Variants in PLA2G5 observed in about 807,000 individuals in gnomAD.
The protein encoded by PLA2G5 is Ca2+-dependent phospholipase A2.
In PLA2G5, 12 loss-of-function variants were observed where a neutral mutation model predicts 15.9. That is an observed-to-expected ratio of 0.76 (90% CI 0.48 to 1.23). The LOEUF is 1.23. PLA2G5 is among the 50% of genes most tolerant of loss of function. PLA2G5 has a pLI of 0.00. For synonymous variants in PLA2G5, 71 were observed against 71.4 expected (o/e 0.99, Z 0.03); for missense variants, 169 against 177.1 (o/e 0.95, Z 0.26).
chr1:20,091,714 G>T lies in PLA2G5; in HGVS notation c.*1022G>T, dbSNP rs11573298. Among the ~76,000 whole-genome samples the T allele has an allele frequency of 0.16, 23,891 of 151,750 alleles. 2,398 individuals carry two copies. The highest frequency in any genetic ancestry group is 0.39 in the East Asian group (1,984 of 5,136). ...CCAACCCGTCTATCAATTCATAAAA[G>T]AAAGGATGTTCTGATACCAAGACTG... On this transcript the variant is annotated 3_prime_UTR_variant, in exon 5 of 5. Transcript: ENST00000375108.
upstream of PLA2G5, among the ~76,000 whole-genome samples, chr1:20,065,764 C>T (rs12037743): frequency 0.062 from 9,488 of 152,158 alleles, 491 homozygotes; most frequent in East Asian, 0.25. Context: ...TTTGAGTGAC[C>T]ATAAGTTTTC....
upstream of PLA2G5, among the ~76,000 whole-genome samples, chr1:20,069,189 T>C (rs1569761012): frequency 2.6e-5 from 4 of 152,308 alleles, no homozygotes; most frequent in East Asian, 5.8e-4. Flanking sequence ...GGCACATCCA[T>C]TGAAGAGAGT....
intron 2 of PLA2G5, among the ~76,000 whole-genome samples, chr1:20,085,176 G>T (rs138914797): frequency 1.1e-3 from 161 of 152,206 alleles, no homozygotes; most frequent in African/African-American, 3.7e-3. Context: ...TTTTTTCCCT[G>T]TATGCAAATA....
chr1:20,089,687 G>C, intron 3 of PLA2G5, 102 bp from the exon 4 acceptor site: 1 of 813,220 alleles, frequency 1.2e-6, no homozygotes, highest in South Asian at 1.5e-5. Context: ...GTCCACCAAG[G>C]TGGCCTCTGC....
At chr1:20,044,937 C>T (rs576249159) in intron 1 of PLA2G5, among the ~76,000 whole-genome samples, 14 of 151,824 alleles carry the variant, frequency 9.2e-5, no homozygotes, top group African/African-American at 2.9e-4. Context: ...TGGGATGGGT[C>T]ACATTGGGAA....
intron 1 of PLA2G5, among the ~76,000 whole-genome samples, chr1:20,043,138 G>A (rs2013710588): frequency 6.6e-6 from 1 of 152,094 alleles, no homozygotes; most frequent in African/African-American, 2.4e-5. Flanking sequence ...GGGATGAGGG[G>A]TGTAGGGGAA....
At chr1:20,072,159 C>G (rs2015410357) in intron 1 of PLA2G5, among the ~76,000 whole-genome samples, 1 of 152,046 alleles carries the variant, frequency 6.6e-6, no homozygotes, top group Non-Finnish European at 1.5e-5. Flanking sequence ...CCGTCCCCAT[C>G]CCCAAACACA....
chr1:20,068,990 C>T, upstream of PLA2G5: 4 of 1,236,698 alleles, frequency 3.2e-6, no homozygotes, highest in South Asian at 5.0e-5. Flanking sequence ...GGCACAGATA[C>T]CAACAGACCA....
intron 1 of PLA2G5, among the ~76,000 whole-genome samples, chr1:20,029,733 T>A (rs2012811589): frequency 6.6e-6 from 1 of 152,118 alleles, no homozygotes; most frequent in South Asian, 2.1e-4. Context: ...CAGGGGATGA[T>A]GTGTATAGTT....
rs1009506022 is a variant in PLA2G5 at position 20,029,877 on chromosome 1, AAAGAT to A, written n.276+1173_276+1177del. Among the ~76,000 whole-genome samples the A allele has an allele frequency of 1.5e-4, 23 of 152,364 alleles. 1 individual carries two copies. Among genetic ancestry groups the A allele is most frequent in the Admixed American group, 1.2e-3 (19 of 15,308 alleles). ...GTTCCTGACCAACTTGCCTGCAGGC[AAAGAT>A]AAGAGTTTGTGCTACACAGAAAGAA... On this transcript the variant is annotated intron_variant and non_coding_transcript_variant, in intron 1 of 6. Coordinates refer to the PLA2G5 transcript ENST00000460175.
intron 3 of PLA2G5, 112 bp from the exon 4 acceptor site, chr1:20,089,677 G>A (rs2016467946): frequency 1.3e-6 from 1 of 743,066 alleles, no homozygotes; most frequent in Non-Finnish European, 2.4e-6. Flanking sequence ...GCCACATCGC[G>A]TCCACCAAGG....
chr1:20,034,131 G>A (rs1324675422), intron 1 of PLA2G5, among the ~76,000 whole-genome samples: 3 of 152,136 alleles, frequency 2.0e-5, no homozygotes, highest in Admixed American at 6.5e-5. Flanking sequence ...TGAGTGGTGT[G>A]TTGGATGGAC....
Position 20,090,806 on chromosome 1 carries a change from T to G in PLA2G5, c.*114T>G, listed in dbSNP as rs2016533352. On this transcript the variant is annotated 3_prime_UTR_variant, in exon 5 of 5. Coordinates refer to ENST00000375108, the MANE Select transcript of PLA2G5 (RefSeq NM_000929.3). The stretch of plus-strand genomic sequence containing the variant: ...GCTCCTAAGTCACAGACCTCAGTCT[T>G]TCTCGAAGCTTGGCGGACCCCCAGG... 2.0e-5 allele frequency: 23 copies of G among 1,153,710 alleles called. 1 individual carries two copies. In the South Asian group the frequency reaches 3.0e-4, roughly 15 times the overall value. The allele number at this position is 1,153,710 out of a possible 1,614,324, so 71.5% of individuals were successfully genotyped here. A position where few individuals can be genotyped will look rare whatever the true frequency, so the allele number is the denominator to read the frequency against.
intron 1 of PLA2G5, among the ~76,000 whole-genome samples, chr1:20,052,238 T>C (rs1024855455): frequency 6.6e-6 from 1 of 151,604 alleles, no homozygotes; most frequent in Non-Finnish European, 1.5e-5. Context: ...AAAAATATAG[T>C]ACACCTGTTT....
chr1:20,056,549 A>T (rs562756445), intron 1 of PLA2G5, among the ~76,000 whole-genome samples: 1 of 152,156 alleles, frequency 6.6e-6, no homozygotes, highest in African/African-American at 2.4e-5. Flanking sequence ...TCAGCCTTGT[A>T]TGTGTGGAAT....
At chr1:20,036,100 G>T (rs1187834278) in intron 1 of PLA2G5, among the ~76,000 whole-genome samples, 1 of 152,174 alleles carries the variant, frequency 6.6e-6, no homozygotes, top group Non-Finnish European at 1.5e-5. Flanking sequence ...TTTCTGCTGA[G>T]AAATCTGCTG....
intron 1 of PLA2G5, among the ~76,000 whole-genome samples, chr1:20,041,601 C>T (rs1193718574): frequency 6.6e-6 from 1 of 152,030 alleles, no homozygotes; most frequent in East Asian, 1.9e-4. Context: ...GAAGTGATTT[C>T]CTTGAGGATA....
intron 1 of PLA2G5, among the ~76,000 whole-genome samples, chr1:20,052,546 C>A (rs2014226355): frequency 6.6e-6 from 1 of 152,062 alleles, no homozygotes; most frequent in African/African-American, 2.4e-5. Flanking sequence ...TCCCTTCCTC[C>A]CCGTATTTTC....
intron 1 of PLA2G5, among the ~76,000 whole-genome samples, chr1:20,084,545 C>T (rs557007397): frequency 2.0e-4 from 31 of 152,258 alleles, no homozygotes; most frequent in African/African-American, 5.8e-4. Flanking sequence ...ATTTTGCCAA[C>T]GGGGTGAGTA....
Sources: gnomAD v4.1 joint callset for allele counts (sites outside exome capture counted in the v4.1 genomes callset) on GRCh38, gnomAD v4.1.1 for gene constraint, MANE v1.5 for transcripts, NCBI Gene and HGNC (gene_info 2026-07-23, HGNC 2026-07-21) for gene names.